Variants in PCGF6 observed in about 807,000 individuals in gnomAD.
PCGF6 encodes polycomb group ring finger 6.
A neutral mutation model predicts 45.5 loss-of-function variants in PCGF6; 24 were observed. The ratio of observed to expected loss-of-function variants is 0.53; its 90% CI spans 0.38 to 0.74. PCGF6 has a LOEUF of 0.74. Among genes scored for constraint, PCGF6 ranks in the 30% least tolerant of loss-of-function variants. The pLI is 0.00. For missense variants in PCGF6, 356 were observed against 443.2 expected (o/e 0.80, Z 1.77); for synonymous variants, 152 against 162.1 (o/e 0.94, Z 0.47).
At position 103,333,960 on chromosome 10, in the gene PCGF6, A is replaced by G; in HGVS notation, c.783-8T>C. Reference sequence around the variant, plus strand: ...CCCGTGCCTTCATTAGCACTGAAAAATGAGAGCAAAATTAATCAATATTTA... The same window carrying G: ...CCCGTGCCTTCATTAGCACTGAAAAGTGAGAGCAAAATTAATCAATATTTA... On this transcript the variant is annotated splice_polypyrimidine_tract_variant and splice_region_variant and intron_variant, in intron 6 of 9. Coordinates refer to ENST00000369847, the MANE Select transcript of PCGF6 (RefSeq NM_001011663.2). 4 of 1,528,894 alleles carry G rather than the reference A, an allele frequency of 2.6e-6. No individual in the cohort carries two copies. Among genetic ancestry groups the G allele is most frequent in the Non-Finnish European group, 3.5e-6 (4 of 1,139,672 alleles). The allele number at this position is 1,528,894 out of a possible 1,614,324, so 94.7% of individuals were successfully genotyped here.
chr10:103,349,794 ATCT>A (rs1304844451), intron 1 of PCGF6, among the ~76,000 whole-genome samples: 7 of 149,188 alleles, frequency 4.7e-5, no homozygotes, highest in Non-Finnish European at 1.0e-4. Context: ...TTTCAAAAGG[ATCT>A]TTACGCTGGG....
At chr10:103,345,823 T>A (rs1038131631) in intron 5 of PCGF6, among the ~76,000 whole-genome samples, 20 of 145,280 alleles carry the variant, frequency 1.4e-4, no homozygotes, top group Non-Finnish European at 2.7e-4. Context: ...AGAGAAACTC[T>A]GTCTCAAAAA....
intron 9 of PCGF6, among the ~76,000 whole-genome samples, chr10:103,313,795 A>G (rs2133559055): frequency 6.6e-6 from 1 of 152,298 alleles, no homozygotes; most frequent in East Asian, 1.9e-4. Flanking sequence ...TTGGCCTAGA[A>G]GCCTTCAAAA....
rs1373534003 is a variant in PCGF6, at chr10:103,303,834, G to A, written c.*71C>T. 2.3e-6 allele frequency: 3 copies of A among 1,322,468 alleles called. No individual in the cohort carries two copies. The highest frequency in any genetic ancestry group is 3.2e-6 in the Non-Finnish European group (3 of 931,050). The allele number at this position is 1,322,468 out of a possible 1,614,324, so 81.9% of individuals were successfully genotyped here. ...CAAAGTGGTAGCAATTACATTTCATGGAAATCTTTGGTGAGATGCAGTCCT... is the reference window on the plus strand; with the variant it reads ...CAAAGTGGTAGCAATTACATTTCATAGAAATCTTTGGTGAGATGCAGTCCT... On this transcript the variant is annotated 3_prime_UTR_variant, in exon 10 of 10. Transcript: ENST00000369847.
intron 5 of PCGF6, among the ~76,000 whole-genome samples, chr10:103,346,195 T>C (rs1486330000): frequency 7.8e-6 from 1 of 128,378 alleles, no homozygotes; most frequent in Admixed American, 8.4e-5. Context: ...TCCATCTCAT[T>C]TAAAAAAAAA....
chr10:103,323,691 A>G (rs2093206186), intron 8 of PCGF6, among the ~76,000 whole-genome samples: 1 of 150,260 alleles, frequency 6.7e-6, no homozygotes, highest in Non-Finnish European at 1.5e-5. Context: ...CTCCCGGGTA[A>G]TAGCGATTCT....
In PCGF6 at chr10:103,333,704, G is replaced by T. The variant is rs537202649; in HGVS notation, c.810+221C>A. Among the ~76,000 whole-genome samples the T allele has an allele frequency of 2.0e-5, 3 of 152,094 alleles. No homozygotes were observed. In the South Asian group the frequency reaches 6.2e-4, roughly 32 times the overall value. On this transcript the variant is annotated intron_variant, in intron 7 of 9. Coordinates refer to ENST00000369847, the MANE Select transcript of PCGF6 (RefSeq NM_001011663.2). Reference sequence around the variant, plus strand: ...TTATCACCAAATTAACATAGCATTTGGTTTTAGTTTTAAAAAGTATTCACT... The same window carrying T: ...TTATCACCAAATTAACATAGCATTTTGTTTTAGTTTTAAAAAGTATTCACT...
intron 8 of PCGF6, among the ~76,000 whole-genome samples, chr10:103,321,022 T>C (rs1032015305): frequency 3.9e-5 from 6 of 152,220 alleles, no homozygotes; most frequent in Admixed American, 2.0e-4. Flanking sequence ...TCAACAATTT[T>C]AGTCCCCAAT....
At chr10:103,335,563 ATGT>A (rs2093253679) in intron 6 of PCGF6, among the ~76,000 whole-genome samples, 1 of 151,802 alleles carries the variant, frequency 6.6e-6, no homozygotes, top group Admixed American at 6.6e-5. Context: ...GGGTTTCACC[ATGT>A]TGTTCAGGAT....
rs914892469 is a variant in PCGF6 at position 103,348,695 on chromosome 10, T to C, written c.557+21A>G. ...AAAAAGTATATTTAAAATACAATTG[T>C]AATTTATATATTCTTCTTACCTTAT... On this transcript the variant is annotated intron_variant, in intron 3 of 9. Transcript: ENST00000369847. The C allele has an allele frequency of 9.1e-6, 13 of 1,436,226 alleles. No homozygotes were observed. In the Admixed American group the frequency reaches 1.7e-4, roughly 19 times the overall value. The allele number at this position is 1,436,226 out of a possible 1,614,324, so 89.0% of individuals were successfully genotyped here. A position where few individuals can be genotyped will look rare whatever the true frequency, so the allele number is the denominator to read the frequency against.
chr10:103,350,585 T>C (rs556910514), intron 1 of PCGF6, 122 bp downstream of exon 1: 127 of 1,018,862 alleles, frequency 1.2e-4, no homozygotes, highest in Non-Finnish European at 1.6e-4. Context: ...TCGGGGGAGG[T>C]CCGCTCCAGT....
At position 103,326,524 on chromosome 10, in the gene PCGF6, T is replaced by C. The variant is rs1462719348; in HGVS notation, c.909+10A>G. ...AACTTTACCTATTCTTTTACATATATGTACTGTACCTGACAAGCTGGATCA... is the reference window on the plus strand; with the variant it reads ...AACTTTACCTATTCTTTTACATATACGTACTGTACCTGACAAGCTGGATCA... On this transcript the variant is annotated intron_variant, in intron 8 of 9. Transcript: ENST00000369847. The C allele has an allele frequency of 5.7e-6, 9 of 1,578,978 alleles. No individual in the cohort carries two copies. Among genetic ancestry groups the C allele is most frequent in the Non-Finnish European group, 7.8e-6 (9 of 1,158,866 alleles).
At chr10:103,316,495 T>C (rs552766440) in intron 8 of PCGF6, among the ~76,000 whole-genome samples, 2 of 152,290 alleles carry the variant, frequency 1.3e-5, no homozygotes, top group Admixed American at 1.3e-4. Context: ...ATTTTACAGA[T>C]AGGGAAACTA....
chr10:103,349,173 G>C (rs1395549564), intron 1 of PCGF6, among the ~76,000 whole-genome samples, 174 bp from the exon 2 acceptor site: 7 of 151,616 alleles, frequency 4.6e-5, no homozygotes, highest in Admixed American at 6.6e-5. Flanking sequence ...TCAGCCTCCC[G>C]AGTAGCTGGG....
rs772112687 is a variant in PCGF6, at chr10:103,347,449, A to G, written c.559T>C (p.Leu187=). Residue 187 remains leucine, a splice_region_variant and synonymous_variant, in exon 4 of 10, where the codon TTG becomes CTG. Coordinates refer to ENST00000369847, the MANE Select transcript of PCGF6 (RefSeq NM_001011663.2). ...ACTATGTCTTGTAACTGTCGGTCCAACCTAATAAAAGGAAAGGATGGAGAA... is the reference window on the plus strand; with the variant it reads ...ACTATGTCTTGTAACTGTCGGTCCAGCCTAATAAAAGGAAAGGATGGAGAA... ...HQTQPLYNIR[L]DRQLQDIVYK... 1.2e-6 allele frequency: 2 copies of G among 1,602,738 alleles called. No homozygotes were observed. Among genetic ancestry groups the G allele is most frequent in the East Asian group, 2.2e-5 (1 of 44,748 alleles).
At chr10:103,320,088 G>A (rs1246202383) in intron 8 of PCGF6, among the ~76,000 whole-genome samples, 1 of 152,110 alleles carries the variant, frequency 6.6e-6, no homozygotes, top group East Asian at 1.9e-4. Flanking sequence ...TTACAGGTAT[G>A]AGCCACCATG....
chr10:103,349,725 G>A (rs1036420554), intron 1 of PCGF6, among the ~76,000 whole-genome samples: 1 of 149,830 alleles, frequency 6.7e-6, no homozygotes, highest in Non-Finnish European at 1.5e-5. Context: ...CGCCTGCCTC[G>A]GCCTCCCAAA....
intron 5 of PCGF6, among the ~76,000 whole-genome samples, chr10:103,346,750 A>G (rs2093301212): frequency 6.6e-6 from 1 of 152,218 alleles, no homozygotes; most frequent in Non-Finnish European, 1.5e-5. Flanking sequence ...AGCTGAGATC[A>G]CAGCATTGCA....
At chr10:103,340,600 ATT>A (rs758991880) in intron 6 of PCGF6, among the ~76,000 whole-genome samples, 3 of 146,162 alleles carry the variant, frequency 2.1e-5, no homozygotes, top group African/African-American at 2.5e-5. Context: ...CCCCAAAATA[ATT>A]TTTTTTTTTT....
Sources: allele counts gnomAD v4.1 joint callset (sites outside exome capture counted in the v4.1 genomes callset), GRCh38; gene constraint gnomAD v4.1.1; transcripts MANE v1.5; gene names NCBI Gene and HGNC (gene_info 2026-07-23, HGNC 2026-07-21).